PIF1: variants seen among roughly 807,000 people sequenced by gnomAD.
The protein encoded by PIF1 is ATP-dependent DNA helicase PIF1.
A neutral mutation model predicts 62.3 loss-of-function variants in PIF1; 67 were observed. That is an observed-to-expected ratio of 1.08 (90% CI 0.88 to 1.32). The LOEUF (loss-of-function observed/expected upper bound fraction) is 1.32. Among genes scored for constraint, PIF1 ranks in the 40% most tolerant of loss-of-function variants. The pLI, the probability that PIF1 is intolerant of heterozygous loss-of-function variation, is 0.00. For missense variants in PIF1, 886 were observed against 866.1 expected (o/e 1.02, Z -0.29); for synonymous variants, 364 against 379.5 (o/e 0.96, Z 0.47).
chr15:64,816,226 C>T lies in PIF1; in HGVS notation c.*72G>A. 1.2e-6 allele frequency: 2 copies of T among 1,604,468 alleles called. No homozygotes were observed. The highest frequency in any genetic ancestry group is 1.7e-6 in the Non-Finnish European group (2 of 1,175,838). ...TGCCTACTCCAGTTATTCCCTGGGGCCCTGGGCCACTAGGGAGCAGGAGGA... is the reference window on the plus strand; with the variant it reads ...TGCCTACTCCAGTTATTCCCTGGGGTCCTGGGCCACTAGGGAGCAGGAGGA... On this transcript the variant is annotated 3_prime_UTR_variant, in exon 13 of 13. Transcript: ENST00000559239.
chr15:64,822,527 CA>C lies in PIF1; in HGVS notation c.641del (p.Val214GlyfsTer2). 2.5e-6 allele frequency: 4 copies of C among 1,614,156 alleles called. No individual in the cohort carries two copies. Among genetic ancestry groups the C allele is most frequent in the Non-Finnish European group, 3.4e-6 (4 of 1,180,036 alleles). ...TCTGGCCTTTCAGGACGGCCCTCAG[CA>C]CAGCAGCCTGTTCCTCAGAAAGCTG... is the stretch of plus-strand genomic sequence containing the variant. ...KPQLSEEQAAVLRAVLKGQSI... is the reference protein window; with the variant it reads ...KPQLSEEQAAXLRAVLKGQSI... On this transcript the variant is annotated frameshift_variant, in exon 3 of 13. Coordinates refer to ENST00000559239, the MANE Select transcript of PIF1 (RefSeq NM_001286496.2). LOFTEE classifies it high-confidence loss of function.
In PIF1 at chr15:64,816,145, CT is replaced by C; in HGVS notation, c.*152del. On this transcript the variant is annotated 3_prime_UTR_variant, in exon 13 of 13. Transcript: ENST00000559239. Reference sequence around the variant, plus strand: ...GGTATATGGGTTTAAAGTACTCTCCCTTTAACCCTGCCAGGAGGCTGAGAGT... The same window carrying C: ...GGTATATGGGTTTAAAGTACTCTCCCTTAACCCTGCCAGGAGGCTGAGAGT... 1 of 1,487,810 alleles carries C rather than the reference CT, an allele frequency of 6.7e-7. No individual in the cohort carries two copies. 92.2% of individuals were successfully genotyped at this position (1,487,810 alleles called of 1,614,324 possible).
In PIF1 at chr15:64,818,071, G is replaced by A. The variant is rs766320666; in HGVS notation, c.1549C>T (p.Leu517=). Residue 517 remains leucine (L), a synonymous_variant, in exon 11 of 13, where the codon CTG becomes TTG. Coordinates refer to ENST00000559239, the MANE Select transcript of PIF1 (RefSeq NM_001286496.2). The part of the protein sequence containing the change: ...EGRGLPQVRF[L]CGVTEVIHAD... ...TGGATGACCTCAGTGACTCCACACAGGAACCGCACCTGGGGTAGCCCTAAG... is the reference window on the plus strand; with the variant it reads ...TGGATGACCTCAGTGACTCCACACAAGAACCGCACCTGGGGTAGCCCTAAG... The A allele has an allele frequency of 6.2e-7, 1 of 1,613,982 alleles. No homozygotes were observed. Among genetic ancestry groups the A allele is most frequent in the Non-Finnish European group, 8.5e-7 (1 of 1,179,972 alleles).
intron 4 of PIF1, 168 bp downstream of exon 4, chr15:64,822,098 C>T: frequency 1.2e-6 from 1 of 847,212 alleles, no homozygotes; most frequent in Admixed American, 2.5e-5. Flanking sequence ...TGGTCTCAAA[C>T]TCCTGGGCTC....
intron 4 of PIF1, chr15:64,822,045 T>C: frequency 1.8e-6 from 1 of 568,882 alleles, no homozygotes; most frequent in Non-Finnish European, 3.0e-6. Flanking sequence ...CGGCCGCTAA[T>C]TTTTAAATTT....
At position 64,821,253 on chromosome 15, in the gene PIF1, C is replaced by T. The variant is rs1223796932; in HGVS notation, c.1000G>A (p.Gly334Arg). 8 of 1,614,100 alleles carry T rather than the reference C, an allele frequency of 5.0e-6. No individual in the cohort carries two copies. Among genetic ancestry groups the T allele is most frequent in the Admixed American group, 3.3e-5 (2 of 60,006 alleles). ...RAVRQQNKPF[G>R]GIQLIICGDF... ...CCACAGATGATGAGCTGGATCCCTC[C>T]GAATGGCTTGTTCTGCTGCCGGACA... is the stretch of plus-strand genomic sequence containing the variant. Residue 334 changes from glycine (G) to arginine (R), a missense_variant, in exon 6 of 13, where the codon GGA (glycine) becomes AGA (arginine). Transcript: ENST00000559239.
chr15:64,819,514 G>A lies in PIF1; in HGVS notation c.1334-291C>T, dbSNP rs2084251777. Among the ~76,000 whole-genome samples, 4 of 151,980 alleles carry A rather than the reference G, an allele frequency of 2.6e-5. No homozygotes were observed. The South Asian group carries it at 8.3e-4, about 32-fold the overall frequency. On this transcript the variant is annotated intron_variant, in intron 8 of 12. Coordinates refer to ENST00000559239, the MANE Select transcript of PIF1 (RefSeq NM_001286496.2). ...AGTAGAGATGGGGTTTTGCCATGTT[G>A]GGCAGGCTGGTCTCGAACTGCTGGC...
Position 64,822,620 on chromosome 15 carries a change from A to T in PIF1, c.559-10T>A. 5 of 1,613,374 alleles carry T rather than the reference A, an allele frequency of 3.1e-6. No homozygotes were observed. The highest frequency in any genetic ancestry group is 4.2e-6 in the Non-Finnish European group (5 of 1,179,972). On this transcript the variant is annotated splice_polypyrimidine_tract_variant and intron_variant, in intron 2 of 12. Coordinates refer to ENST00000559239, the MANE Select transcript of PIF1 (RefSeq NM_001286496.2). The stretch of plus-strand genomic sequence containing the variant: ...GCCACCTTGGGGCTTCCTGGGGGGA[A>T]CAGAGCTATCTCAGAGCATCCTCCC...
Position 64,818,250 on chromosome 15 carries a change from C to A in PIF1, c.1528+7G>T, listed in dbSNP as rs755472554. The A allele has an allele frequency of 5.0e-6, 8 of 1,614,144 alleles. No individual in the cohort carries two copies. Among genetic ancestry groups the A allele is most frequent in the South Asian group, 3.3e-5 (3 of 91,088 alleles). ...TAGCAGGACTGCCACCTCCTCCCAA[C>A]ACTTACCTCTCCCTTCTGCCTCGAA... On this transcript the variant is annotated splice_region_variant and intron_variant, in intron 10 of 12. Coordinates refer to ENST00000559239, the MANE Select transcript of PIF1 (RefSeq NM_001286496.2).
chr15:64,821,044 G>C lies in PIF1; in HGVS notation c.1131C>G (p.Thr377=). ...KRCVPVTLEL[T]KVWRQADQTF... is the part of the protein sequence containing the mutation. The stretch of plus-strand genomic sequence containing the variant: ...TCTGGTCTGCCTGCCTCCACACCTT[G>C]GTCAGCTCCAGGGTCACTGGCACAC... Residue 377 remains threonine, a synonymous_variant, in exon 7 of 13, where the codon ACC becomes ACG. Transcript: ENST00000559239. 1 of 1,614,092 alleles carries C rather than the reference G, an allele frequency of 6.2e-7. No individual in the cohort carries two copies. The highest frequency in any genetic ancestry group is 1.1e-5 in the South Asian group (1 of 91,084).
chr15:64,816,063 AC>A lies in PIF1; in HGVS notation c.*234del. 6.9e-7 allele frequency: 1 copy of A among 1,458,472 alleles called. No homozygotes were observed. Among genetic ancestry groups the A allele is most frequent in the Non-Finnish European group, 9.0e-7 (1 of 1,110,492 alleles). The allele number at this position is 1,458,472 out of a possible 1,614,324, so 90.3% of individuals were successfully genotyped here. On this transcript the variant is annotated 3_prime_UTR_variant, in exon 13 of 13. Transcript: ENST00000559239. ...ATTCTCAACTGGCACAGAAAGGGTTACTTCTGACCCTACAGCAGCTTACCCA... is the reference window on the plus strand; with the variant it reads ...ATTCTCAACTGGCACAGAAAGGGTTATTCTGACCCTACAGCAGCTTACCCA...
chr15:64,819,815 C>A (rs766444965), intron 8 of PIF1, 32 bp downstream of exon 8: 19 of 1,609,258 alleles, frequency 1.2e-5, no homozygotes, highest in Non-Finnish European at 1.5e-5. Context: ...CTCTTCCCAG[C>A]TGGTCTTGCC....
chr15:64,818,485 C>T (rs1022883769), intron 9 of PIF1, 141 bp from the exon 10 acceptor site: 9 of 729,654 alleles, frequency 1.2e-5, no homozygotes, highest in African/African-American at 3.6e-5. Flanking sequence ...CCACTGGCTG[C>T]CTGTGACCCC....
Position 64,822,259 on chromosome 15 carries a change from TAC to T in PIF1, c.817+5_817+6del. The T allele has an allele frequency of 6.2e-7, 1 of 1,611,846 alleles. No homozygotes were observed. The highest frequency in any genetic ancestry group is 2.2e-5 in the East Asian group (1 of 44,876). On this transcript the variant is annotated splice_donor_5th_base_variant and intron_variant, in intron 4 of 12. Transcript: ENST00000559239. ...TCTTAGCTCAAGCCCTAGGGGTTCC[TAC>T]TTACCTGCAAAGGCATGGAGGGTGG...
intron 2 of PIF1, 97 bp downstream of exon 2, chr15:64,823,681 C>T: frequency 1.1e-6 from 1 of 921,602 alleles, no homozygotes; most frequent in Non-Finnish European, 1.5e-6. Context: ...ATCAAATACC[C>T]ACACCGGCTT....
chr15:64,816,505 G>A (rs1482891616), intron 12 of PIF1, 69 bp downstream of exon 12: 24 of 1,596,256 alleles, frequency 1.5e-5, no homozygotes, highest in South Asian at 8.9e-5. Flanking sequence ...CCACTGGGCC[G>A]GCGCTCCCTC....
Position 64,821,505 on chromosome 15 carries a change from T to C in PIF1, c.833A>G (p.Gln278Arg), listed in dbSNP as rs139728864. The change falls in exon 5 of 13, where the codon CAG becomes CGG. Residue 278 changes from glutamine to arginine, a missense_variant. Transcript: ENST00000559239. ...GGCCACACACTGGGCTAGAGGAGCC[T>C]GGCCTGAGCCGATGCCTGTGAGTGA... ...LHAFAGIGSG[Q>R]APLAQCVALA... The C allele has an allele frequency of 1.1e-5, 18 of 1,605,564 alleles. No homozygotes were observed. The African/African-American group carries it at 2.3e-4, about 20-fold the overall frequency.
chr15:64,815,698 C>T lies in PIF1; in HGVS notation c.*600G>A. 1 of 1,549,474 alleles carries T rather than the reference C, an allele frequency of 6.5e-7. No individual in the cohort carries two copies. Among genetic ancestry groups the T allele is most frequent in the Non-Finnish European group, 8.7e-7 (1 of 1,146,458 alleles). On this transcript the variant is annotated 3_prime_UTR_variant, in exon 13 of 13. Coordinates refer to ENST00000559239, the MANE Select transcript of PIF1 (RefSeq NM_001286496.2). ...AACCTGAGAACATCCATTTCAATGT[C>T]CCCAAACACTATTTATCCCCTGAAA...
upstream of PIF1, among the ~76,000 whole-genome samples, chr15:64,825,955 C>A (rs973530828): frequency 6.6e-6 from 1 of 152,168 alleles, no homozygotes; most frequent in Non-Finnish European, 1.5e-5. Context: ...ATTTTCAGAA[C>A]CATCCTTCCA....
Sources: allele counts gnomAD v4.1 joint callset (sites outside exome capture counted in the v4.1 genomes callset), GRCh38; gene constraint gnomAD v4.1.1; transcripts MANE v1.5; gene names NCBI Gene and HGNC (gene_info 2026-07-23, HGNC 2026-07-21).